Variants in CYP4F12 observed in about 807,000 individuals in gnomAD.
The protein encoded by CYP4F12 is cytochrome P450 family 4 subfamily F member 12.
In CYP4F12, 60 loss-of-function variants were observed where a neutral mutation model predicts 56.5. The observed-to-expected ratio is 1.06, with a 90% CI of 0.86 to 1.32. The LOEUF is 1.32. Among genes scored for constraint, CYP4F12 ranks in the 40% most tolerant of loss-of-function variants. The pLI is 0.00. For synonymous variants in CYP4F12, 263 were observed against 264.9 expected (o/e 0.99, Z 0.07); for missense variants, 711 against 683.5 (o/e 1.04, Z -0.45).
intron 12 of CYP4F12, 142 bp from the exon 13 acceptor site, chr19:15,696,765 TG>T: frequency 8.4e-7 from 1 of 1,197,524 alleles, no homozygotes; most frequent in Non-Finnish European, 1.1e-6. Flanking sequence ...CAAGCCCACA[TG>T]GGAGTCCCAG....
At chr19:15,690,953 A>G (rs928512610) in intron 9 of CYP4F12, among the ~76,000 whole-genome samples, 9 of 152,104 alleles carry the variant, frequency 5.9e-5, no homozygotes, top group Non-Finnish European at 1.3e-4. Flanking sequence ...GTCCTATGGT[A>G]TTTACATATA....
At chr19:15,679,801 G>A (rs1568416323) in intron 3 of CYP4F12, among the ~76,000 whole-genome samples, 1 of 152,172 alleles carries the variant, frequency 6.6e-6, no homozygotes, top group Non-Finnish European at 1.5e-5. Flanking sequence ...CCTGGGACAT[G>A]TCTGGGACAT....
chr19:15,684,669 A>G (rs1242771905), intron 7 of CYP4F12, 147 bp from the exon 8 acceptor site: 1 of 754,018 alleles, frequency 1.3e-6, no homozygotes, highest in Non-Finnish European at 2.1e-6. Context: ...AGAGATCTAG[A>G]CGTGCAGAGT....
chr19:15,693,465 G>GT (rs1226931382), intron 9 of CYP4F12, among the ~76,000 whole-genome samples: 1 of 152,056 alleles, frequency 6.6e-6, no homozygotes, highest in Non-Finnish European at 1.5e-5. Context: ...TGACTCTCGT[G>GT]TTTTTTTGGC....
chr19:15,692,260 C>T (rs889773553), intron 9 of CYP4F12, among the ~76,000 whole-genome samples: 5 of 152,156 alleles, frequency 3.3e-5, no homozygotes, highest in African/African-American at 1.2e-4. Context: ...GGCAGAGTGG[C>T]TTTTTTTGTT....
intron 5 of CYP4F12, 199 bp downstream of exon 5, chr19:15,680,718 G>A (rs2007251196): frequency 1.5e-6 from 1 of 678,106 alleles, no homozygotes; most frequent in Non-Finnish European, 2.6e-6. Context: ...TAGGTTCTCA[G>A]AAGGTGTCAG....
At chr19:15,689,001 C>T (rs582162) in intron 9 of CYP4F12, among the ~76,000 whole-genome samples, 44,230 of 151,920 alleles carry the variant, frequency 0.29, 7,150 homozygotes, top group African/African-American at 0.42. Context: ...ATAAGATAAC[C>T]TTGGAAAAAC....
chr19:15,680,777 T>C (rs900099430), intron 5 of CYP4F12: 2 of 507,510 alleles, frequency 3.9e-6, no homozygotes, highest in Non-Finnish European at 7.1e-6. Flanking sequence ...AGAGTAAAAA[T>C]GAAGATTGTG....
chr19:15,679,656 C>T (rs1026843489), intron 3 of CYP4F12, among the ~76,000 whole-genome samples: 17 of 152,190 alleles, frequency 1.1e-4, no homozygotes, highest in Non-Finnish European at 1.9e-4. Flanking sequence ...CTTGTCATCT[C>T]TTGGCCATGT....
At chr19:15,684,546 G>A (rs1462551176) in intron 7 of CYP4F12, 1 of 414,304 alleles carries the variant, frequency 2.4e-6, no homozygotes, top group East Asian at 3.8e-5. Flanking sequence ...TCTGTATTAT[G>A]CAGAAAAATG....
intron 2 of CYP4F12, among the ~76,000 whole-genome samples, chr19:15,677,614 T>C (rs753700730): frequency 0.23 from 2,539 of 10,916 alleles, 411 homozygotes; most frequent in East Asian, 0.34. Context: ...GTTCCTCTCC[T>C]CACTCACTCA....
At position 15,696,514 on chromosome 19, in the gene CYP4F12, T is replaced by G; in HGVS notation, c.1397+2T>G. Reference sequence around the variant, plus strand: ...TATTCCTTTCTCCGCAGGGCCCAGGTAAGAGCGCCCTGTGTCTGAGGCAGG... The same window carrying G: ...TATTCCTTTCTCCGCAGGGCCCAGGGAAGAGCGCCCTGTGTCTGAGGCAGG... On this transcript the variant is annotated splice_donor_variant, in intron 12 of 12. Transcript: ENST00000550308. LOFTEE classifies it high-confidence loss of function. 2 of 1,613,040 alleles carry G rather than the reference T, an allele frequency of 1.2e-6. No individual in the cohort carries two copies. The highest frequency in any genetic ancestry group is 1.7e-6 in the Non-Finnish European group (2 of 1,179,762).
At chr19:15,680,604 T>G (rs755305719) in intron 5 of CYP4F12, 85 bp downstream of exon 5, 1 of 1,545,950 alleles carries the variant, frequency 6.5e-7, no homozygotes, top group Non-Finnish European at 8.9e-7. Flanking sequence ...TTGGCTCTTC[T>G]GGGTGGCACT....
intron 9 of CYP4F12, among the ~76,000 whole-genome samples, chr19:15,687,385 A>G (rs1039162630): frequency 1.3e-5 from 2 of 152,248 alleles, no homozygotes; most frequent in Non-Finnish European, 2.9e-5. Context: ...CCCACTTTAT[A>G]AGAACACAGA....
rs1205484932 is a variant in CYP4F12 at position 15,696,240 on chromosome 19, A to C, written c.1314+15A>C. ...CGGATCCTGAGGTGCTGCCTTCCCC[A>C]TTCACCACCACCACCCCCATCCTCT... On this transcript the variant is annotated intron_variant, in intron 11 of 12. Transcript: ENST00000550308. The C allele has an allele frequency of 1.9e-6, 3 of 1,613,740 alleles. No homozygotes were observed. The highest frequency in any genetic ancestry group is 2.5e-6 in the Non-Finnish European group (3 of 1,179,916).
At chr19:15,685,731 A>G (rs897234239) in intron 9 of CYP4F12, among the ~76,000 whole-genome samples, 1 of 152,022 alleles carries the variant, frequency 6.6e-6, no homozygotes, top group Non-Finnish European at 1.5e-5. Flanking sequence ...TGACATCTAG[A>G]CATGTTCAGT....
At chr19:15,691,226 T>TG (rs2007854262) in intron 9 of CYP4F12, among the ~76,000 whole-genome samples, 1 of 152,258 alleles carries the variant, frequency 6.6e-6, no homozygotes, top group Non-Finnish European at 1.5e-5. Flanking sequence ...ATTGTGTGGA[T>TG]GTTTATCTAA....
intron 11 of CYP4F12, 49 bp from the exon 12 acceptor site, chr19:15,696,381 G>A (rs1364228731): frequency 6.2e-7 from 1 of 1,613,192 alleles, no homozygotes; most frequent in Non-Finnish European, 8.5e-7. Context: ...CTCCAAGGCT[G>A]CTGGACATAG....
At chr19:15,692,995 T>C in intron 9 of CYP4F12, among the ~76,000 whole-genome samples, 1 of 152,126 alleles carries the variant, frequency 6.6e-6, no homozygotes, top group Non-Finnish European at 1.5e-5. Context: ...GTAGAATCAC[T>C]TGAACCAGGG....
Sources: gnomAD v4.1 joint callset for allele counts (sites outside exome capture counted in the v4.1 genomes callset) on GRCh38, gnomAD v4.1.1 for gene constraint, MANE v1.5 for transcripts, NCBI Gene and HGNC (gene_info 2026-07-23, HGNC 2026-07-21) for gene names.